The following CAPN1 variants were observed in gnomAD, a reference collection of about 807,000 sequenced individuals.
The protein encoded by CAPN1 is calpain-1 catalytic subunit.
Under a neutral mutation model 105.2 loss-of-function variants are expected in CAPN1, and 77 were observed. That is an observed-to-expected ratio of 0.73 (90% CI 0.61 to 0.88). CAPN1 has a LOEUF of 0.88. CAPN1 is among the 40% of genes least tolerant of loss of function. The pLI, the probability that CAPN1 is intolerant of heterozygous loss-of-function variation, is 0.00. For synonymous variants in CAPN1, 355 were observed against 388.8 expected, an observed-to-expected ratio of 0.91 and a Z score of 1.02; for missense variants, 833 against 976.6, an observed-to-expected ratio of 0.85 and a Z score of 1.96.
At chr11:65,204,636 C>G in intron 10 of CAPN1, 47 bp from the exon 11 acceptor site, 1 of 1,575,692 alleles carries the variant, frequency 6.3e-7, no homozygotes, top group Non-Finnish European at 8.7e-7. Context: ...GGCCAATTGG[C>G]TCTGCCCCGC....
chr11:65,204,899 A>G, intron 11 of CAPN1, 41 bp downstream of exon 11: 1 of 1,559,356 alleles, frequency 6.4e-7, no homozygotes, highest in Non-Finnish European at 8.8e-7. Flanking sequence ...CTGAGCAGGC[A>G]GAGGACCTGG....
rs868458363 is a variant in CAPN1 at position 65,208,729 on chromosome 11, G to A, written c.1729+467G>A. The A allele has an allele frequency of 7.3e-6, 2 of 274,974 alleles. No homozygotes were observed. Among genetic ancestry groups the A allele is most frequent in the Non-Finnish European group, 7.1e-6 (1 of 140,332 alleles). 17.0% of individuals were successfully genotyped at this position (274,974 alleles called of 1,614,324 possible). On this transcript the variant is annotated intron_variant, in intron 16 of 21. Transcript: ENST00000279247. The surrounding 1 kb of genome is among the most constrained non-coding windows in gnomAD (Gnocchi z 4.1). ...AGGGAGGTTAAGGCTGCAGTGAGCT[G>A]TGATCACATCAGTGCACTCCAGCCT...
intron 4 of CAPN1, among the ~76,000 whole-genome samples, chr11:65,185,594 G>A (rs1262248471): frequency 6.6e-6 from 1 of 151,198 alleles, no homozygotes; most frequent in East Asian, 1.9e-4. Flanking sequence ...TGTTGAAGAA[G>A]TATATTTCAG....
At chr11:65,195,374 C>T (rs1317957003) in intron 10 of CAPN1, among the ~76,000 whole-genome samples, 3 of 152,148 alleles carry the variant, frequency 2.0e-5, no homozygotes, top group African/African-American at 4.8e-5. Context: ...GATCTGCCCA[C>T]GTCAGCCTCC....
intron 4 of CAPN1, 144 bp downstream of exon 4, chr11:65,183,736 C>A: frequency 1.6e-6 from 1 of 628,920 alleles, no homozygotes; most frequent in Non-Finnish European, 2.8e-6. Context: ...CATCTCGGGT[C>A]TGTCATGTGT....
Position 65,182,918 on chromosome 11 carries a change from C to T in CAPN1, c.217C>T (p.Leu73=). 2 of 1,611,898 alleles carry T rather than the reference C, an allele frequency of 1.2e-6. No homozygotes were observed. The highest frequency in any genetic ancestry group is 1.7e-6 in the Non-Finnish European group (2 of 1,179,014). ...PVPQSLGYKD[L]GPNSSKTYGI... is the part of the protein sequence containing the mutation. ...ACCCCAGAGCCTGGGTTACAAGGAC[C>T]TGGGTCCCAATTCCTCCAAGACCTA... is the stretch of plus-strand genomic sequence containing the variant. Residue 73 remains leucine, a synonymous_variant, in exon 2 of 22, where the codon CTG becomes TTG. Transcript: ENST00000279247.
intron 14 of CAPN1, 132 bp from the exon 15 acceptor site, chr11:65,207,919 GAAAA>G (rs1948985464): frequency 7.8e-4 from 6 of 7,660 alleles, no homozygotes; most frequent in Non-Finnish European, 1.5e-3. Context: ...ATCTCAAAAA[GAAAA>G]GAAAAGAAAA....
chr11:65,205,659 C>A, intron 11 of CAPN1, 51 bp from the exon 12 acceptor site: 4 of 1,602,108 alleles, frequency 2.5e-6, no homozygotes, highest in Non-Finnish European at 3.4e-6. Flanking sequence ...CACTGTGACC[C>A]CGCCCTGGGA....
chr11:65,197,629 G>A (rs1948809620), intron 10 of CAPN1, among the ~76,000 whole-genome samples: 1 of 152,206 alleles, frequency 6.6e-6, no homozygotes, highest in Admixed American at 6.5e-5. Context: ...GCTCACGCCT[G>A]TAATCCCAGA....
chr11:65,211,407 C>A lies in CAPN1; in HGVS notation c.*121C>A. ...TGCCTTCCTTGGAGCAGAGAGGCAGCCTCGTCCTCCTGTCCCCTCTCCTCC... is the reference window on the plus strand; with the variant it reads ...TGCCTTCCTTGGAGCAGAGAGGCAGACTCGTCCTCCTGTCCCCTCTCCTCC... On this transcript the variant is annotated 3_prime_UTR_variant, in exon 22 of 22. Coordinates refer to ENST00000279247, the MANE Select transcript of CAPN1 (RefSeq NM_005186.4). 1 of 873,236 alleles carries A rather than the reference C, an allele frequency of 1.1e-6. No individual in the cohort carries two copies. Among genetic ancestry groups the A allele is most frequent in the South Asian group, 1.4e-5 (1 of 70,654 alleles). The allele number at this position is 873,236 out of a possible 1,614,324, so 54.1% of individuals were successfully genotyped here.
intron 4 of CAPN1, 69 bp downstream of exon 4, chr11:65,183,661 C>G: frequency 9.2e-7 from 1 of 1,089,588 alleles, no homozygotes; most frequent in Non-Finnish European, 1.4e-6. Flanking sequence ...CCCACAATAC[C>G]TGCAGTTAGG....
chr11:65,211,790 C>T lies in CAPN1; in HGVS notation c.*504C>T, dbSNP rs1446964272. 1.8e-5 allele frequency: 3 copies of T among 162,874 alleles called. No homozygotes were observed. The highest frequency in any genetic ancestry group is 7.2e-5 in the African/African-American group (3 of 41,954). 10.1% of individuals were successfully genotyped at this position (162,874 alleles called of 1,614,324 possible). ...CGCCGAAGCCAACGCCCCCTCTGTC[C>T]TTCCCTGGCCCTGCTGCCGACCAGG... On this transcript the variant is annotated 3_prime_UTR_variant, in exon 22 of 22. Coordinates refer to ENST00000279247, the MANE Select transcript of CAPN1 (RefSeq NM_005186.4).
rs921195133 is a variant in CAPN1, at chr11:65,188,993, G to C, written c.1165+247G>C. Among the ~76,000 whole-genome samples, 2 of 152,034 alleles carry C rather than the reference G, an allele frequency of 1.3e-5. No homozygotes were observed. Among genetic ancestry groups the C allele is most frequent in the Non-Finnish European group, 1.5e-5 (1 of 67,988 alleles). ...CTTGTGGCCATCCAGCCACCTGCCT[G>C]TCACTCCTTTCCTGGGCCCTTCCCT... On this transcript the variant is annotated intron_variant, in intron 10 of 21. Transcript: ENST00000279247. This position sits in a 1 kb window ranked among gnomAD's most constrained non-coding sequence, Gnocchi z 5.5.
At chr11:65,199,893 T>C (rs78091142) in intron 10 of CAPN1, among the ~76,000 whole-genome samples, 185 of 152,320 alleles carry the variant, frequency 1.2e-3, no homozygotes, top group African/African-American at 4.2e-3. Flanking sequence ...GGTCAGTTTT[T>C]GTCCACTGTG....
At position 65,204,737 on chromosome 11, in the gene CAPN1, C is replaced by A. The variant is rs544100208; in HGVS notation, c.1220C>A (p.Pro407Gln). 1 of 1,613,168 alleles carries A rather than the reference C, an allele frequency of 6.2e-7. No homozygotes were observed. Among genetic ancestry groups the A allele is most frequent in the East Asian group, 2.2e-5 (1 of 44,872 alleles). Residue 407 changes from proline (P) to glutamine (Q), a missense_variant, in exon 11 of 22, where the codon CCG (proline) becomes CAG (glutamine). Coordinates refer to ENST00000279247, the MANE Select transcript of CAPN1 (RefSeq NM_005186.4). ...ATCCGGCTGGATGAGACGGATGACC[C>A]GGACGACTACGGGGACCGCGAGTCA... ...FKIRLDETDD[P>Q]DDYGDRESGC...
rs1411611765 is a variant in CAPN1 at position 65,188,000 on chromosome 11, C to T, written c.889C>T (p.Pro297Ser). The change falls in exon 8 of 22, where the codon CCC becomes TCC. Residue 297 changes from proline to serine, a missense_variant. Coordinates refer to ENST00000279247, the MANE Select transcript of CAPN1 (RefSeq NM_005186.4). ...GGTGAGCCTGATCCGGATGCGGAACCCCTGGGGCGAGGTGGAGTGGACGGG... is the reference window on the plus strand; with the variant it reads ...GGTGAGCCTGATCCGGATGCGGAACTCCTGGGGCGAGGTGGAGTGGACGGG... ...QVVSLIRMRN[P>S]WGEVEWTGAW... 1 of 1,561,912 alleles carries T rather than the reference C, an allele frequency of 6.4e-7. No individual in the cohort carries two copies. The highest frequency in any genetic ancestry group is 8.7e-7 in the Non-Finnish European group (1 of 1,153,156).
At chr11:65,205,826 C>T (rs564302508) in intron 12 of CAPN1, 105 bp downstream of exon 12, 3 of 1,009,776 alleles carry the variant, frequency 3.0e-6, no homozygotes, top group African/African-American at 1.6e-5. Context: ...TAAGAAGTCA[C>T]CTTGTTTCAC....
chr11:65,197,576 T>C (rs767652251), intron 10 of CAPN1, among the ~76,000 whole-genome samples: 4 of 152,206 alleles, frequency 2.6e-5, no homozygotes, highest in Non-Finnish European at 4.4e-5. Context: ...GCCAGCTTTT[T>C]AGTAATCCAG....
intron 10 of CAPN1, among the ~76,000 whole-genome samples, chr11:65,189,522 C>T (rs1018932279): frequency 6.6e-6 from 1 of 152,208 alleles, no homozygotes; most frequent in African/African-American, 2.4e-5. Flanking sequence ...CGACTCTTTC[C>T]ACTCCCTTAG....
Sources: allele counts gnomAD v4.1 joint callset (sites outside exome capture counted in the v4.1 genomes callset), GRCh38; gene constraint gnomAD v4.1.1; non-coding constraint Gnocchi (gnomAD v3.1); transcripts MANE v1.5; gene names NCBI Gene and HGNC (gene_info 2026-07-23, HGNC 2026-07-21).